Variants in NCAM2 observed in about 807,000 individuals in gnomAD.
NCAM2 encodes the protein neural cell adhesion molecule 2.
NCAM2 carries 30 observed loss-of-function variants against 98.1 expected under a neutral mutation model. The ratio of observed to expected loss-of-function variants is 0.31; its 90% CI spans 0.23 to 0.41. The LOEUF (loss-of-function observed/expected upper bound fraction) is 0.41, where lower values mean the gene tolerates loss of function less well. Ranked by LOEUF, NCAM2 falls within the 10% of genes least tolerant of loss-of-function variation. The pLI is 1.00. For missense variants in NCAM2, 867 were observed against 1,005.8 expected (o/e 0.86, Z 1.87); for synonymous variants, 368 against 342.4 (o/e 1.07, Z -0.83).
intron 1 of NCAM2, among the ~76,000 whole-genome samples, chr21:21,045,331 A>T (rs2064987551): frequency 6.6e-6 from 1 of 152,162 alleles, no homozygotes; most frequent in Non-Finnish European, 1.5e-5. Flanking sequence ...GTTGATATGC[A>T]ATTCCTGCCT....
intron 1 of NCAM2, among the ~76,000 whole-genome samples, chr21:21,108,659 G>A (rs2066396554): frequency 6.6e-6 from 1 of 152,068 alleles, no homozygotes; most frequent in East Asian, 1.9e-4. Context: ...TTCAGCAGAA[G>A]AGAAGAGCTG....
chr21:21,466,537 T>TA (rs1420830640), intron 12 of NCAM2, 69 bp from the exon 13 acceptor site: 3 of 1,171,090 alleles, frequency 2.6e-6, no homozygotes, highest in Admixed American at 3.3e-5. Flanking sequence ...TTTTCCTTAT[T>TA]AAAATGTGTC....
chr21:21,412,565 A>G (rs1233734081), intron 10 of NCAM2, among the ~76,000 whole-genome samples: 1 of 152,164 alleles, frequency 6.6e-6, no homozygotes, highest in Admixed American at 6.5e-5. Context: ...TATACATACA[A>G]CATAGTATAT....
At chr21:21,524,539 A>AG (rs1437771123) in intron 16 of NCAM2, among the ~76,000 whole-genome samples, 2 of 151,918 alleles carry the variant, frequency 1.3e-5, no homozygotes. Flanking sequence ...ACAAAAAAAA[A>AG]GGGGGTGTGG....
chr21:21,365,029 G>A (rs1181188364), intron 8 of NCAM2, among the ~76,000 whole-genome samples: 1 of 152,060 alleles, frequency 6.6e-6, no homozygotes, highest in Non-Finnish European at 1.5e-5. Context: ...ATTTCAGGCG[G>A]GAGCACAGGG....
chr21:21,287,229 C>A (rs533130928), intron 4 of NCAM2, among the ~76,000 whole-genome samples: 3 of 152,014 alleles, frequency 2.0e-5, no homozygotes, highest in Admixed American at 2.0e-4. Context: ...TAGTTTCCAT[C>A]TTCGATGATT....
At chr21:21,333,329 C>T (rs2074767040) in intron 6 of NCAM2, among the ~76,000 whole-genome samples, 1 of 152,128 alleles carries the variant, frequency 6.6e-6, no homozygotes, top group Admixed American at 6.5e-5. Context: ...CTTCAAAGGC[C>T]AAATCAAGGA....
chr21:21,367,370 T>G (rs1470320566), intron 8 of NCAM2, among the ~76,000 whole-genome samples: 1 of 151,942 alleles, frequency 6.6e-6, no homozygotes, highest in Non-Finnish European at 1.5e-5. Context: ...GTGAAATGTT[T>G]TATTATTTAT....
intron 1 of NCAM2, among the ~76,000 whole-genome samples, chr21:21,133,787 A>C (rs560328013): frequency 4.6e-5 from 7 of 152,120 alleles, no homozygotes; most frequent in Non-Finnish European, 1.0e-4. Flanking sequence ...AAAGGTATTA[A>C]CTTACCCACA....
chr21:21,082,143 G>A (rs940010490), intron 1 of NCAM2, among the ~76,000 whole-genome samples: 1 of 147,414 alleles, frequency 6.8e-6, no homozygotes, highest in Non-Finnish European at 1.5e-5. Context: ...CAGGAGAATC[G>A]CTTGAACCCG....
At chr21:21,235,943 A>G (rs1241224936) in intron 1 of NCAM2, among the ~76,000 whole-genome samples, 2 of 152,018 alleles carry the variant, frequency 1.3e-5, no homozygotes, top group Non-Finnish European at 2.9e-5. Context: ...TTCATAACCA[A>G]TTATTTCCTT....
At chr21:21,372,616 G>A (rs781732387) in intron 8 of NCAM2, among the ~76,000 whole-genome samples, 20 of 151,758 alleles carry the variant, frequency 1.3e-4, no homozygotes, top group African/African-American at 2.9e-4. Context: ...TGTCAGAAAC[G>A]AAAATAGAAA....
At position 21,396,098 on chromosome 21, in the gene NCAM2, TCA is replaced by T. The variant is rs746794146; in HGVS notation, c.1196-14173_1196-14172del. Among the ~76,000 whole-genome samples, 8 of 150,570 alleles carry T rather than the reference TCA, an allele frequency of 5.3e-5. No homozygotes were observed. In the East Asian group the frequency reaches 9.8e-4, roughly 18 times the overall value. On this transcript the variant is annotated intron_variant, in intron 9 of 17. Transcript: ENST00000400546. ...CAACCCACAGAGAGGAAGAGAATCT[TCA>T]CAAACTGTGCATCCGACAAAGGACT...
chr21:21,025,616 G>GCACAAAA (rs1300877222), intron 1 of NCAM2, among the ~76,000 whole-genome samples: 23 of 74,034 alleles, frequency 3.1e-4, no homozygotes, highest in Non-Finnish European at 5.7e-4. Flanking sequence ...TGTGTCCCAG[G>GCACAAAA]AATTTATTCT....
In NCAM2 at chr21:21,057,075, G is replaced by T. The variant is rs571053143; in HGVS notation, c.55+58457G>T. On this transcript the variant is annotated intron_variant, in intron 1 of 17. Transcript: ENST00000400546. ...TACTTTCCCCCCAAAATATAAAGAG[G>T]CTAACCACTATAGTATTGAAAGATT... is the stretch of plus-strand genomic sequence containing the variant. 8.6e-5 allele frequency among the ~76,000 whole-genome samples: 13 copies of T among 152,020 alleles called. No individual in the cohort carries two copies. In the South Asian group the frequency reaches 2.3e-3, roughly 27 times the overall value.
intron 1 of NCAM2, among the ~76,000 whole-genome samples, chr21:21,194,565 G>A (rs944123072): frequency 6.6e-6 from 1 of 152,100 alleles, no homozygotes; most frequent in Non-Finnish European, 1.5e-5. Context: ...CATGAGTCCA[G>A]TAGCACTAAT....
At chr21:21,001,335 C>G (rs547811617) in intron 1 of NCAM2, among the ~76,000 whole-genome samples, 2 of 152,144 alleles carry the variant, frequency 1.3e-5, no homozygotes, top group African/African-American at 4.8e-5. Context: ...TTAAAAGCCT[C>G]TAATTTCCAC....
Position 20,998,507 on chromosome 21 carries a change from C to G in NCAM2, c.-57C>G. 6 of 1,565,502 alleles carry G rather than the reference C, an allele frequency of 3.8e-6. No homozygotes were observed. Among genetic ancestry groups the G allele is most frequent in the South Asian group, 1.1e-5 (1 of 87,830 alleles). On this transcript the variant is annotated 5_prime_UTR_variant, in exon 1 of 18. Transcript: ENST00000400546. ...GGCGGCCGGGGCAGCGAAAGGTTCT[C>G]TCTCCAGGGCTGGACTTAATAACTT...
intron 1 of NCAM2, among the ~76,000 whole-genome samples, chr21:21,011,761 T>TCTG (rs2064215975): frequency 6.6e-6 from 1 of 151,966 alleles, no homozygotes; most frequent in East Asian, 1.9e-4. Flanking sequence ...CCAAAATATA[T>TCTG]AAGTAGTTCA....
Sources: gnomAD v4.1 joint callset for allele counts (sites outside exome capture counted in the v4.1 genomes callset) on GRCh38, gnomAD v4.1.1 for gene constraint, MANE v1.5 for transcripts, NCBI Gene and HGNC (gene_info 2026-07-23, HGNC 2026-07-21) for gene names.